SENP6: variants seen among roughly 807,000 people sequenced by gnomAD.
SENP6 encodes sentrin-specific protease 6.
In SENP6, 41 loss-of-function variants were observed where a neutral mutation model predicts 134.5. The observed-to-expected ratio is 0.30, with a 90% CI of 0.24 to 0.40. The LOEUF is 0.40. SENP6 is among the 10% of genes least tolerant of loss of function. The pLI, the probability that SENP6 is intolerant of heterozygous loss-of-function variation, is 1.00. For synonymous variants in SENP6, 395 were observed against 429.8 expected, an observed-to-expected ratio of 0.92 and a Z score of 1.00; for missense variants, 1,248 against 1,312.5, an observed-to-expected ratio of 0.95 and a Z score of 0.76.
intron 6 of SENP6, among the ~76,000 whole-genome samples, chr6:75,644,944 A>G (rs931353667): frequency 9.9e-5 from 15 of 152,228 alleles, no homozygotes; most frequent in African/African-American, 3.6e-4. Context: ...AAATTATTTC[A>G]AACTTAGTTT....
At chr6:75,661,915 G>C (rs1771807361) in intron 8 of SENP6, among the ~76,000 whole-genome samples, 1 of 152,152 alleles carries the variant, frequency 6.6e-6, no homozygotes, top group South Asian at 2.1e-4. Context: ...AGCTGAGCAT[G>C]GTGGTGGGCA....
rs528242272 is a variant in SENP6 at position 75,638,515 on chromosome 6, A to G, written c.459-2169A>G. 7.0e-5 allele frequency among the ~76,000 whole-genome samples: 10 copies of G among 142,788 alleles called. No individual in the cohort carries two copies. In the South Asian group the frequency reaches 2.2e-3, roughly 32 times the overall value. 93.7% of individuals were successfully genotyped at this position (142,788 alleles called of 152,430 possible). On this transcript the variant is annotated intron_variant, in intron 5 of 23. Coordinates refer to ENST00000447266, the MANE Select transcript of SENP6 (RefSeq NM_015571.4). Reference sequence around the variant, plus strand: ...ATTATAATGAATGCATTTTTTCTCAAGGATAAGAAAAATGAGCATTGATGT... The same window carrying G: ...ATTATAATGAATGCATTTTTTCTCAGGGATAAGAAAAATGAGCATTGATGT...
chr6:75,702,083 T>C (rs1161093528), intron 18 of SENP6, among the ~76,000 whole-genome samples: 1 of 152,146 alleles, frequency 6.6e-6, no homozygotes, highest in Non-Finnish European at 1.5e-5. Flanking sequence ...GTTCAGGGAT[T>C]GTTTGCAAAA....
chr6:75,671,172 T>TA lies in SENP6; in HGVS notation c.1392+453dup, dbSNP rs1402692963. 7.2e-5 allele frequency among the ~76,000 whole-genome samples: 11 copies of TA among 152,338 alleles called. 1 individual carries two copies. The East Asian group carries it at 2.1e-3, about 29-fold the overall frequency. ...TTTGTGTACTTTATCTTACCCATCA[T>TA]ACCTGTGTACTTACTATTCTGCCAC... On this transcript the variant is annotated intron_variant, in intron 11 of 23. Transcript: ENST00000447266.
chr6:75,621,856 C>A (rs1034828841), intron 2 of SENP6, among the ~76,000 whole-genome samples: 1 of 152,054 alleles, frequency 6.6e-6, no homozygotes, highest in Non-Finnish European at 1.5e-5. Flanking sequence ...TACATGTAAC[C>A]TTACAATTAA....
At chr6:75,638,620 ATATTTTTTTTTTT>A (rs1769777050) in intron 5 of SENP6, among the ~76,000 whole-genome samples, 1 of 33,186 alleles carries the variant, frequency 3.0e-5, no homozygotes, top group Non-Finnish European at 4.9e-5. Context: ...ATATATATAT[ATATTTTTTTTTTT>A]TTTTTTTTTT....
At chr6:75,647,924 T>C (rs1770583084) in intron 7 of SENP6, 123 bp downstream of exon 7, 3 of 576,768 alleles carry the variant, frequency 5.2e-6, no homozygotes. Flanking sequence ...TAGAAAACCA[T>C]TTTTTTGTAA....
chr6:75,715,206 A>G (rs554537197), intron 23 of SENP6, among the ~76,000 whole-genome samples, 179 bp from the exon 24 acceptor site: 115 of 152,298 alleles, frequency 7.6e-4, no homozygotes, highest in Non-Finnish European at 1.2e-3. Context: ...GATCTATGAT[A>G]GAAACTGTGT....
rs1195885099 is a variant in SENP6 at position 75,675,875 on chromosome 6, C to A, written c.1442C>A (p.Pro481His). Residue 481 changes from proline to histidine, a missense_variant, in exon 13 of 24, where the codon CCT becomes CAT. By Grantham distance (77) the Pro-to-His change is moderately conservative (BLOSUM62 -2). Transcript: ENST00000447266. ...TTTCCTCCAGAACCAGACCATGATC[C>A]TGTAGAGATTATATTAAATACCTCT... is the stretch of plus-strand genomic sequence containing the variant. The part of the protein sequence containing the change: ...KIQLDEPDHD[P>H]VEIILNTSDL... 6.3e-7 allele frequency: 1 copy of A among 1,596,650 alleles called. No individual in the cohort carries two copies. The highest frequency in any genetic ancestry group is 1.1e-5 in the South Asian group (1 of 87,180).
rs56939208 is a variant in SENP6, at chr6:75,659,000, AGG to A, written c.551-259_551-258del. On this transcript the variant is annotated intron_variant, in intron 7 of 23. Transcript: ENST00000447266. ...AAAAAAAAAAAAAAAAAAAAAAAAA[AGG>A]GGAATTGTGAGTATGTGAGTGGTTA... Among the ~76,000 whole-genome samples, 10 of 118,668 alleles carry A rather than the reference AGG, an allele frequency of 8.4e-5. 1 individual carries two copies. The highest frequency in any genetic ancestry group is 1.9e-4 in the African/African-American group (6 of 30,802). The allele number at this position is 118,668 out of a possible 152,430, so 77.9% of individuals were successfully genotyped here.
chr6:75,705,919 T>C (rs1355596662), intron 19 of SENP6, among the ~76,000 whole-genome samples: 2 of 139,936 alleles, frequency 1.4e-5, no homozygotes, highest in Non-Finnish European at 3.0e-5. Flanking sequence ...AAAGCTATTT[T>C]TGAGCCTTTT....
Position 75,638,588 on chromosome 6 carries a change from GTGTATATATATATA to G in SENP6, c.459-2094_459-2081del, listed in dbSNP as rs1367760340. Among the ~76,000 whole-genome samples, 67 of 31,012 alleles carry G rather than the reference GTGTATATATATATA, an allele frequency of 2.2e-3. 1 individual carries two copies. The highest frequency in any genetic ancestry group is 5.3e-3 in the African/African-American group (47 of 8,950). The allele number at this position is 31,012 out of a possible 152,430, so 20.3% of individuals were successfully genotyped here. A position where few individuals can be genotyped will look rare whatever the true frequency, so the allele number is the denominator to read the frequency against. On this transcript the variant is annotated intron_variant, in intron 5 of 23. Transcript: ENST00000447266. ...TGTGTGTGTGTGTGTGTGTGTGTGT[GTGTATATATATATA>G]TATATATATATATATATATATTTTT...
intron 8 of SENP6, among the ~76,000 whole-genome samples, chr6:75,660,031 G>T (rs760985448): frequency 2.6e-4 from 39 of 152,016 alleles, no homozygotes; most frequent in Non-Finnish European, 5.6e-4. Context: ...TTGAATTCAG[G>T]GTCATGTGCT....
chr6:75,671,608 G>A (rs1410252531), intron 11 of SENP6, among the ~76,000 whole-genome samples: 28 of 152,172 alleles, frequency 1.8e-4, no homozygotes. Context: ...TGTAGTCCCA[G>A]CTGCTCGGGA....
chr6:75,715,781 C>G lies in SENP6; in HGVS notation c.*187C>G. ...AAAGTCTGTAAATATGTTAATGAGGCCAATTTTTCCAGCATTTATAATTAT... is the reference window on the plus strand; with the variant it reads ...AAAGTCTGTAAATATGTTAATGAGGGCAATTTTTCCAGCATTTATAATTAT... On this transcript the variant is annotated 3_prime_UTR_variant, in exon 24 of 24. Coordinates refer to ENST00000447266, the MANE Select transcript of SENP6 (RefSeq NM_015571.4). 1 of 379,102 alleles carries G rather than the reference C, an allele frequency of 2.6e-6. No homozygotes were observed. Among genetic ancestry groups the G allele is most frequent in the Non-Finnish European group, 4.7e-6 (1 of 214,532 alleles). 23.5% of individuals were successfully genotyped at this position (379,102 alleles called of 1,614,324 possible). A position where few individuals can be genotyped will look rare whatever the true frequency, so the allele number is the denominator to read the frequency against.
chr6:75,637,263 G>A (rs1769594125), intron 5 of SENP6, among the ~76,000 whole-genome samples: 1 of 152,118 alleles, frequency 6.6e-6, no homozygotes, highest in Admixed American at 6.5e-5. Context: ...GGTATATCTT[G>A]TCTTTTAAGT....
At chr6:75,636,826 C>T (rs1769554495) in intron 5 of SENP6, among the ~76,000 whole-genome samples, 1 of 151,646 alleles carries the variant, frequency 6.6e-6, no homozygotes, top group Non-Finnish European at 1.5e-5. Context: ...AGGGTAAACA[C>T]ATTGGCTTTT....
intron 7 of SENP6, among the ~76,000 whole-genome samples, chr6:75,657,210 C>T (rs550217434): frequency 3.9e-5 from 6 of 152,298 alleles, no homozygotes; most frequent in Admixed American, 3.3e-4. Flanking sequence ...GACTGCTTTA[C>T]TGTAAATTAA....
rs560067229 is a variant in SENP6 at position 75,640,561 on chromosome 6, T to G, written c.459-123T>G. The G allele has an allele frequency of 9.8e-6, 4 of 406,766 alleles. No individual in the cohort carries two copies. In the East Asian group the frequency reaches 1.2e-4, roughly 12 times the overall value. The allele number at this position is 406,766 out of a possible 1,614,324, so 25.2% of individuals were successfully genotyped here. A position where few individuals can be genotyped will look rare whatever the true frequency, so the allele number is the denominator to read the frequency against. Reference sequence around the variant, plus strand: ...AACATAGTATATTATATATATATAATGTATTTAAAACAAGTTGATCACAGT... The same window carrying G: ...AACATAGTATATTATATATATATAAGGTATTTAAAACAAGTTGATCACAGT... On this transcript the variant is annotated intron_variant, in intron 5 of 23. Transcript: ENST00000447266.
Sources: gnomAD v4.1 joint callset for allele counts (sites outside exome capture counted in the v4.1 genomes callset) on GRCh38, gnomAD v4.1.1 for gene constraint, MANE v1.5 for transcripts, NCBI Gene and HGNC (gene_info 2026-07-23, HGNC 2026-07-21) for gene names.